The following CTNND2 variants were observed in gnomAD, a reference collection of about 807,000 sequenced individuals.
CTNND2 encodes the protein catenin delta-2.
A neutral mutation model predicts 144.4 loss-of-function variants in CTNND2; 22 were observed. The observed-to-expected ratio is 0.15, with a 90% CI of 0.11 to 0.22. The LOEUF (loss-of-function observed/expected upper bound fraction) is 0.22. CTNND2 is among the 10% of genes least tolerant of loss of function. The probability of loss-of-function intolerance (pLI) is 1.00; values close to 1 mark genes in which losing one functional copy is unlikely to be tolerated. For synonymous variants in CTNND2, 751 were observed against 695.6 expected, an observed-to-expected ratio of 1.08 and a Z score of -1.25; for missense variants, 1,353 against 1,618.8, an observed-to-expected ratio of 0.84 and a Z score of 2.82.
At chr5:11,293,923 C>A (rs968054431) in intron 9 of CTNND2, among the ~76,000 whole-genome samples, 1 of 150,970 alleles carries the variant, frequency 6.6e-6, no homozygotes, top group African/African-American at 2.4e-5. Flanking sequence ...AATAATAGAA[C>A]CAGCCCAGCC....
chr5:11,904,193 C>T lies in CTNND2; in HGVS notation c.-340G>A, dbSNP rs921857154. On this transcript the variant is annotated 5_prime_UTR_variant, in exon 1 of 22. Coordinates refer to ENST00000304623, the MANE Select transcript of CTNND2 (RefSeq NM_001332.4). The surrounding 1 kb of genome is among the most constrained non-coding windows in gnomAD (Gnocchi z 4.2). ...CCGGGCTGAGAGAGCAGCCGCCGCG[C>T]CCGCAGCTCCGCTCAGCCGGCTGTC... 1 of 145,594 alleles carries T rather than the reference C, an allele frequency of 6.9e-6. No homozygotes were observed. Among genetic ancestry groups the T allele is most frequent in the African/African-American group, 2.5e-5 (1 of 40,664 alleles). 9.0% of individuals were successfully genotyped at this position (145,594 alleles called of 1,614,324 possible).
intron 13 of CTNND2, 138 bp downstream of exon 13, chr5:11,117,312 T>G: frequency 1.5e-6 from 1 of 683,738 alleles, no homozygotes; most frequent in Non-Finnish European, 2.6e-6. Flanking sequence ...AAGTGTTGGA[T>G]TCTTATAAGG....
At chr5:11,252,182 C>A (rs996200677) in intron 9 of CTNND2, among the ~76,000 whole-genome samples, 1 of 152,102 alleles carries the variant, frequency 6.6e-6, no homozygotes, top group Non-Finnish European at 1.5e-5. Flanking sequence ...TCCTTCACAC[C>A]CATTTGTTGC....
chr5:11,711,491 T>TA (rs1561719184), intron 2 of CTNND2, among the ~76,000 whole-genome samples: 2 of 152,180 alleles, frequency 1.3e-5, no homozygotes, highest in African/African-American at 2.4e-5. Context: ...GTCTTTTATA[T>TA]AAAAAAATCA....
chr5:11,498,504 T>A (rs1227443796), intron 3 of CTNND2, among the ~76,000 whole-genome samples: 1 of 152,184 alleles, frequency 6.6e-6, no homozygotes, highest in Non-Finnish European at 1.5e-5. Context: ...ATATTTTCAA[T>A]GTTCTGCAAA....
chr5:11,582,124 T>C (rs1342585594), intron 2 of CTNND2, among the ~76,000 whole-genome samples: 1 of 152,134 alleles, frequency 6.6e-6, no homozygotes, highest in Non-Finnish European at 1.5e-5. Flanking sequence ...TGGTCTGCAT[T>C]ACAGCTACAG....
chr5:11,327,890 A>T (rs1752693290), intron 9 of CTNND2, among the ~76,000 whole-genome samples: 1 of 152,352 alleles, frequency 6.6e-6, no homozygotes, highest in South Asian at 2.1e-4. Context: ...GATAGCAAGG[A>T]TCCAGAAAAG....
chr5:11,017,934 T>C, intron 18 of CTNND2, 40 bp downstream of exon 18: 1 of 1,519,766 alleles, frequency 6.6e-7, no homozygotes, highest in East Asian at 2.3e-5. Context: ...GGTCCCGTGT[T>C]GAGTGTTTGG....
intron 9 of CTNND2, among the ~76,000 whole-genome samples, chr5:11,294,233 T>C (rs1580819927): frequency 6.6e-6 from 1 of 151,320 alleles, no homozygotes; most frequent in South Asian, 2.1e-4. Context: ...GATGTCGCAG[T>C]AAAAATGATT....
intron 3 of CTNND2, among the ~76,000 whole-genome samples, chr5:11,421,321 C>T (rs538967839): frequency 1.5e-3 from 233 of 152,264 alleles, no homozygotes; most frequent in Non-Finnish European, 2.9e-3. Context: ...ATTCAAGATA[C>T]CCTACATCTG....
At position 11,715,234 on chromosome 5, in the gene CTNND2, T is replaced by A. The variant is rs148506744; in HGVS notation, c.174+16902A>T. 5.2e-3 allele frequency among the ~76,000 whole-genome samples: 797 copies of A among 152,290 alleles called. 6 individuals carry two copies. Among genetic ancestry groups the A allele is most frequent in the African/African-American group, 0.019 (769 of 41,560 alleles). The stretch of plus-strand genomic sequence containing the variant: ...TATCAAGCATGAACTCCTCATTCAC[T>A]CATTTTTACACAAGAGTATCACAAG... On this transcript the variant is annotated intron_variant, in intron 2 of 21. Transcript: ENST00000304623.
Position 11,903,727 on chromosome 5 carries a change from C to G in CTNND2, c.37+90G>C. 1.5e-6 allele frequency: 2 copies of G among 1,334,956 alleles called. No individual in the cohort carries two copies. The highest frequency in any genetic ancestry group is 2.8e-5 in the South Asian group (2 of 70,658). The allele number at this position is 1,334,956 out of a possible 1,614,324, so 82.7% of individuals were successfully genotyped here. The stretch of plus-strand genomic sequence containing the variant: ...GCCGCCGCCGCCTGCCGGCCGGGAG[C>G]CCAGGACCACCCCCACCAGCGGCAA... On this transcript the variant is annotated intron_variant, in intron 1 of 21. Coordinates refer to ENST00000304623, the MANE Select transcript of CTNND2 (RefSeq NM_001332.4). The surrounding 1 kb of genome is among the most constrained non-coding windows in gnomAD (Gnocchi z 5.4).
At chr5:11,015,865 T>G (rs55941557) in intron 18 of CTNND2, among the ~76,000 whole-genome samples, 6,656 of 152,302 alleles carry the variant, frequency 0.044, 203 homozygotes, top group Non-Finnish European at 0.062. Context: ...TGGGCGAGAC[T>G]TCATTTGCCT....
rs1175229112 is a variant in CTNND2 at position 11,497,511 on chromosome 5, CGGGGGGGT to C, written c.287+67425_287+67432del. ...CATCCATGAGGCAAAGAATGATGTGCGGGGGGGTGGGGGGGGGCAATATGTGCAAAGGC... is the reference window on the plus strand; with the variant it reads ...CATCCATGAGGCAAAGAATGATGTGCGGGGGGGGGCAATATGTGCAAAGGC... On this transcript the variant is annotated intron_variant, in intron 3 of 21. Transcript: ENST00000304623. Among the ~76,000 whole-genome samples, 2 of 6,244 alleles carry C rather than the reference CGGGGGGGT, an allele frequency of 3.2e-4. 1 individual carries two copies. The highest frequency in any genetic ancestry group is 6.6e-4 in the Non-Finnish European group (2 of 3,046). The allele number at this position is 6,244 out of a possible 152,430, so 4.1% of individuals were successfully genotyped here. A position where few individuals can be genotyped will look rare whatever the true frequency, so the allele number is the denominator to read the frequency against.
chr5:11,680,908 C>T (rs774620323), intron 2 of CTNND2, among the ~76,000 whole-genome samples: 8 of 152,180 alleles, frequency 5.3e-5, no homozygotes, highest in Non-Finnish European at 1.0e-4. Flanking sequence ...TCACTCACAA[C>T]AGGAATGCTA....
At chr5:11,138,041 A>G (rs1756332404) in intron 12 of CTNND2, among the ~76,000 whole-genome samples, 1 of 152,200 alleles carries the variant, frequency 6.6e-6, no homozygotes, top group African/African-American at 2.4e-5. Context: ...TTCCTTGCTT[A>G]TTCAGCTTAC....
intron 2 of CTNND2, among the ~76,000 whole-genome samples, chr5:11,641,779 TAC>T (rs1782056955): frequency 6.8e-6 from 1 of 146,490 alleles, no homozygotes; most frequent in Non-Finnish European, 1.5e-5. Context: ...TATATGTATG[TAC>T]ATACATACAC....
intron 7 of CTNND2, among the ~76,000 whole-genome samples, chr5:11,365,282 T>C (rs1327679565): frequency 1.3e-5 from 2 of 152,218 alleles, no homozygotes; most frequent in African/African-American, 2.4e-5. Context: ...AGAAATTATT[T>C]TAAATGGCGA....
chr5:11,392,445 C>T (rs532040099), intron 6 of CTNND2, among the ~76,000 whole-genome samples: 2 of 152,182 alleles, frequency 1.3e-5, no homozygotes, highest in Middle Eastern at 3.4e-3. Flanking sequence ...CATGAGCACC[C>T]GCAAAAATAT....
Sources: allele counts gnomAD v4.1 joint callset (sites outside exome capture counted in the v4.1 genomes callset), GRCh38; gene constraint gnomAD v4.1.1; non-coding constraint Gnocchi (gnomAD v3.1); transcripts MANE v1.5; gene names NCBI Gene and HGNC (gene_info 2026-07-23, HGNC 2026-07-21).